Variants in RSPO2 observed in about 807,000 individuals in gnomAD.
RSPO2 encodes the protein R-spondin-2.
Under a neutral mutation model 30.9 loss-of-function variants are expected in RSPO2, and 14 were observed. The observed-to-expected ratio is 0.45, with a 90% confidence interval of 0.30 to 0.71. The LOEUF (loss-of-function observed/expected upper bound fraction) is 0.71, where lower values mean the gene tolerates loss of function less well. RSPO2 is among the 30% of genes least tolerant of loss of function. The pLI is 0.08. For missense variants in RSPO2, 264 were observed against 301.9 expected (o/e 0.87, Z 0.93); for synonymous variants, 107 against 96.4 (o/e 1.11, Z -0.64).
At chr8:108,067,841 C>A (rs1812720871) in intron 2 of RSPO2, among the ~76,000 whole-genome samples, 1 of 152,172 alleles carries the variant, frequency 6.6e-6, no homozygotes, top group African/African-American at 2.4e-5. Context: ...GTAATCCCAG[C>A]ATTTTGGGAG....
At chr8:108,004,245 G>C (rs1331170261) in intron 2 of RSPO2, among the ~76,000 whole-genome samples, 1 of 152,172 alleles carries the variant, frequency 6.6e-6, no homozygotes, top group Non-Finnish European at 1.5e-5. Flanking sequence ...TAAATGGAAA[G>C]TCTTTTACTG....
chr8:108,060,490 A>G (rs562934536), intron 2 of RSPO2, among the ~76,000 whole-genome samples: 2 of 151,946 alleles, frequency 1.3e-5, no homozygotes, highest in African/African-American at 4.9e-5. Flanking sequence ...AGAAAAAAAG[A>G]GTGAAAAGAA....
chr8:107,904,049 G>A (rs941122320), intron 5 of RSPO2, among the ~76,000 whole-genome samples: 2 of 151,782 alleles, frequency 1.3e-5, no homozygotes, highest in African/African-American at 2.4e-5. Flanking sequence ...AAAAGAAATC[G>A]GTAAGATTAA....
chr8:108,063,227 A>G (rs1047298022), intron 2 of RSPO2, among the ~76,000 whole-genome samples: 3 of 151,846 alleles, frequency 2.0e-5, no homozygotes, highest in African/African-American at 7.3e-5. Context: ...AACTAGGAAA[A>G]GAGGAAGTCA....
At chr8:108,051,599 T>C (rs935046459) in intron 2 of RSPO2, among the ~76,000 whole-genome samples, 2 of 152,190 alleles carry the variant, frequency 1.3e-5, no homozygotes, top group African/African-American at 4.8e-5. Context: ...ATATAAGACA[T>C]TGTGAAAGGA....
chr8:108,082,551 T>C lies in RSPO2; in HGVS notation c.88A>G (p.Lys30Glu), dbSNP rs752266481. 1 of 1,613,784 alleles carries C rather than the reference T, an allele frequency of 6.2e-7. No individual in the cohort carries two copies. Among genetic ancestry groups the C allele is most frequent in the South Asian group, 1.1e-5 (1 of 91,092 alleles). Residue 30 changes from lysine (K) to glutamate (E), a missense_variant, in exon 2 of 6, where the codon AAG becomes GAG. Physicochemically the swap from Lys to Glu is moderately conservative, Grantham distance 56. Transcript: ENST00000276659. Reference protein sequence around the residue: ...HCQGNRWRRSKRASYVSNPIC... With the variant: ...HCQGNRWRRSERASYVSNPIC... ...TTGGCAGAGAGGGACCCACCTCGCTTACTGCGTCTCCATCGGTTGCCTTGG... is the reference window on the plus strand; with the variant it reads ...TTGGCAGAGAGGGACCCACCTCGCTCACTGCGTCTCCATCGGTTGCCTTGG...
intron 2 of RSPO2, among the ~76,000 whole-genome samples, chr8:108,018,928 TAG>T (rs1222568155): frequency 2.0e-5 from 3 of 152,348 alleles, no homozygotes; most frequent in Admixed American, 6.5e-5. Flanking sequence ...AGATGCTTGA[TAG>T]AGTTTTAAAA....
intron 2 of RSPO2, among the ~76,000 whole-genome samples, chr8:108,042,449 T>C (rs1338229139): frequency 6.6e-6 from 1 of 152,106 alleles, no homozygotes; most frequent in Non-Finnish European, 1.5e-5. Context: ...ACGAGCAGTC[T>C]TCACAAGAGG....
intron 5 of RSPO2, among the ~76,000 whole-genome samples, chr8:107,922,050 A>T (rs1230328938): frequency 6.6e-6 from 1 of 152,192 alleles, no homozygotes; most frequent in African/African-American, 2.4e-5. Flanking sequence ...CGAGACAAGG[A>T]TGTCCTCTCT....
At chr8:107,932,124 G>A (rs1812570522) in intron 5 of RSPO2, among the ~76,000 whole-genome samples, 1 of 152,070 alleles carries the variant, frequency 6.6e-6, no homozygotes, top group Non-Finnish European at 1.5e-5. Context: ...TTATAATTTT[G>A]CATAATAAAT....
At chr8:107,925,646 C>T (rs1236460844) in intron 5 of RSPO2, among the ~76,000 whole-genome samples, 1 of 151,512 alleles carries the variant, frequency 6.6e-6, no homozygotes, top group Non-Finnish European at 1.5e-5. Flanking sequence ...TGAGTGAGAA[C>T]ATGTGGTGTT....
intron 2 of RSPO2, among the ~76,000 whole-genome samples, chr8:108,066,313 C>T (rs1350616854): frequency 5.3e-5 from 8 of 152,152 alleles, no homozygotes. Flanking sequence ...CAGATTACAC[C>T]ATACTGAAGC....
At chr8:108,050,070 A>T (rs1812030847) in intron 2 of RSPO2, among the ~76,000 whole-genome samples, 1 of 152,194 alleles carries the variant, frequency 6.6e-6, no homozygotes, top group Non-Finnish European at 1.5e-5. Flanking sequence ...ATATAATTCC[A>T]TAATCTCATG....
At chr8:108,053,364 T>C (rs1474025350) in intron 2 of RSPO2, among the ~76,000 whole-genome samples, 1 of 152,158 alleles carries the variant, frequency 6.6e-6, no homozygotes, top group African/African-American at 2.4e-5. Context: ...GAGTTGGAAA[T>C]CCTTCCTCTT....
intron 5 of RSPO2, among the ~76,000 whole-genome samples, chr8:107,925,166 T>C (rs1393878432): frequency 6.6e-6 from 1 of 151,772 alleles, no homozygotes; most frequent in Non-Finnish European, 1.5e-5. Context: ...TGAGAGGGGA[T>C]GTCAGGGGTA....
intron 2 of RSPO2, among the ~76,000 whole-genome samples, chr8:108,080,195 GTC>G (rs765842037): frequency 9.2e-5 from 14 of 152,170 alleles, no homozygotes; most frequent in Admixed American, 2.0e-4. Context: ...ACCCTACACT[GTC>G]TGGCCAGCCC....
At chr8:108,065,840 C>T (rs973057277) in intron 2 of RSPO2, among the ~76,000 whole-genome samples, 1 of 152,106 alleles carries the variant, frequency 6.6e-6, no homozygotes, top group South Asian at 2.1e-4. Flanking sequence ...TAGTTCCAGA[C>T]CAGCCTGGCC....
chr8:108,003,951 G>A (rs142933379), intron 2 of RSPO2, among the ~76,000 whole-genome samples: 3 of 152,240 alleles, frequency 2.0e-5, no homozygotes, highest in African/African-American at 7.2e-5. Flanking sequence ...AATTTAAATT[G>A]CAAGAACTTT....
chr8:108,007,238 T>G (rs988789654), intron 2 of RSPO2, among the ~76,000 whole-genome samples: 14 of 152,308 alleles, frequency 9.2e-5, no homozygotes, highest in African/African-American at 2.6e-4. Flanking sequence ...CCAGGCTAGT[T>G]GTCTTGTAAA....
Sources: allele counts gnomAD v4.1 joint callset (sites outside exome capture counted in the v4.1 genomes callset), GRCh38; gene constraint gnomAD v4.1.1; transcripts MANE v1.5; gene names NCBI Gene and HGNC (gene_info 2026-07-23, HGNC 2026-07-21).